The following JAM3 variants were observed in gnomAD, a reference collection of about 807,000 sequenced individuals.
The protein encoded by JAM3 is junctional adhesion molecule 3.
A neutral mutation model predicts 39.4 loss-of-function variants in JAM3; 31 were observed. The ratio of observed to expected loss-of-function variants is 0.79; its 90% CI spans 0.59 to 1.06. The LOEUF (loss-of-function observed/expected upper bound fraction) is 1.06. JAM3 is among the 50% of genes least tolerant of loss of function. The pLI, the probability that JAM3 is intolerant of heterozygous loss-of-function variation, is 0.00. For synonymous variants in JAM3, 182 were observed against 148.7 expected, an observed-to-expected ratio of 1.22 and a Z score of -1.63; for missense variants, 455 against 391.4, an observed-to-expected ratio of 1.16 and a Z score of -1.37.
chr11:134,148,363 T>G (rs1943117669), intron 6 of JAM3, 184 bp from the exon 7 acceptor site: 3 of 662,302 alleles, frequency 4.5e-6, no homozygotes, highest in Non-Finnish European at 5.3e-6. Flanking sequence ...AAGTTAGGAG[T>G]TATGGTGTCC....
chr11:134,137,695 A>G (rs1413708335), intron 1 of JAM3, among the ~76,000 whole-genome samples: 1 of 149,820 alleles, frequency 6.7e-6, no homozygotes, highest in East Asian at 2.0e-4. Context: ...ATACTGAGAG[A>G]AATGTTTATG....
intron 1 of JAM3, among the ~76,000 whole-genome samples, chr11:134,137,522 T>G (rs1942888979): frequency 6.6e-6 from 1 of 152,260 alleles, no homozygotes. Context: ...GACTCACCTC[T>G]CAGGTCCTTG....
chr11:134,121,903 G>A (rs1942540786), intron 1 of JAM3, among the ~76,000 whole-genome samples: 1 of 151,950 alleles, frequency 6.6e-6, no homozygotes, highest in Non-Finnish European at 1.5e-5. Context: ...GGTTTGTCAT[G>A]GTATTGATCA....
chr11:134,070,175 C>T (rs1425930851), intron 1 of JAM3: 2 of 456,156 alleles, frequency 4.4e-6, no homozygotes, highest in African/African-American at 4.0e-5. Flanking sequence ...TTTTCAGAGT[C>T]AAGTCTAGTC....
intron 1 of JAM3, among the ~76,000 whole-genome samples, chr11:134,130,776 A>G (rs530140514): frequency 1.3e-5 from 2 of 152,334 alleles, no homozygotes; most frequent in Admixed American, 6.5e-5. Flanking sequence ...GGAACAGAGC[A>G]GACATTATTT....
chr11:134,138,873 A>G (rs1294969739), intron 1 of JAM3, among the ~76,000 whole-genome samples: 3 of 152,206 alleles, frequency 2.0e-5, no homozygotes, highest in Non-Finnish European at 4.4e-5. Flanking sequence ...TGGGCCATTA[A>G]AGAAGATAAA....
chr11:134,146,140 C>T (rs562940931), intron 6 of JAM3, 95 bp downstream of exon 6: 29 of 882,340 alleles, frequency 3.3e-5, no homozygotes, highest in East Asian at 1.6e-4. Context: ...AGAACTCTTC[C>T]GCCATGGGTT....
chr11:134,140,610 A>C, intron 2 of JAM3, 47 bp from the exon 3 acceptor site: 1 of 1,488,802 alleles, frequency 6.7e-7, no homozygotes, highest in Non-Finnish European at 9.4e-7. Flanking sequence ...CTGAACGTAG[A>C]AGCACTCCAC....
At chr11:134,105,168 C>T (rs1484010720) in intron 1 of JAM3, among the ~76,000 whole-genome samples, 1 of 152,206 alleles carries the variant, frequency 6.6e-6, no homozygotes, top group Non-Finnish European at 1.5e-5. Flanking sequence ...ATCAAGTGGG[C>T]TTCATCCCTG....
intron 1 of JAM3, among the ~76,000 whole-genome samples, chr11:134,128,493 G>T: frequency 6.6e-6 from 1 of 152,196 alleles, no homozygotes; most frequent in East Asian, 1.9e-4. Context: ...TAATCTCCAT[G>T]TGTCAAGGAG....
chr11:134,120,861 G>C lies in JAM3; in HGVS notation c.77-18990G>C, dbSNP rs577764541. ...TAACATTACCTCAATATCTGTTATG[G>C]CTTAAATGTATTGTTTTAATAATAT... On this transcript the variant is annotated intron_variant, in intron 1 of 8. Coordinates refer to ENST00000299106, the MANE Select transcript of JAM3 (RefSeq NM_032801.5). 1.8e-4 allele frequency among the ~76,000 whole-genome samples: 27 copies of C among 152,330 alleles called. No individual in the cohort carries two copies. In the South Asian group the frequency reaches 3.7e-3, roughly 21 times the overall value.
intron 1 of JAM3, among the ~76,000 whole-genome samples, chr11:134,133,428 G>A (rs1172800538): frequency 1.3e-5 from 2 of 152,042 alleles, no homozygotes; most frequent in African/African-American, 4.8e-5. Context: ...TCAGCTATAG[G>A]TTTTTCATAT....
At position 134,105,854 on chromosome 11, in the gene JAM3, C is replaced by T. The variant is rs551330940; in HGVS notation, c.77-33997C>T. On this transcript the variant is annotated intron_variant, in intron 1 of 8. Transcript: ENST00000299106. ...CTGCTCAACGAAATAAAAGAGGACA[C>T]AAACAAATGGAAGAACATTCCATGC... Among the ~76,000 whole-genome samples, 33 of 152,256 alleles carry T rather than the reference C, an allele frequency of 2.2e-4. No homozygotes were observed. The East Asian group carries it at 6.2e-3, about 28-fold the overall frequency.
rs768171224 is a variant in JAM3, at chr11:134,139,890, G to A, written c.116G>A (p.Arg39Gln). ...GCTGTAAATCTCAAATCCAGCAATC[G>A]AACCCCAGTGGTACAGGAATTTGAA... ...IGAVNLKSSN[R>Q]TPVVQEFESV... The change falls in exon 2 of 9, where the codon CGA becomes CAA. Residue 39 changes from arginine (R) to glutamine (Q), a missense_variant. Coordinates refer to ENST00000299106, the MANE Select transcript of JAM3 (RefSeq NM_032801.5). The A allele has an allele frequency of 8.7e-6, 14 of 1,613,858 alleles. No individual in the cohort carries two copies. The highest frequency in any genetic ancestry group is 1.2e-5 in the Non-Finnish European group (14 of 1,179,838).
intron 1 of JAM3, among the ~76,000 whole-genome samples, chr11:134,091,027 GAT>G: frequency 6.6e-6 from 1 of 152,278 alleles, no homozygotes; most frequent in East Asian, 1.9e-4. Flanking sequence ...GGCTGGCTAA[GAT>G]TCCTACAGGG....
chr11:134,096,126 G>T (rs896676541), intron 1 of JAM3, among the ~76,000 whole-genome samples: 2 of 152,046 alleles, frequency 1.3e-5, no homozygotes, highest in Non-Finnish European at 2.9e-5. Context: ...ACAGGTGCGC[G>T]CCACTACACC....
At chr11:134,114,917 T>C (rs1430128303) in intron 1 of JAM3, among the ~76,000 whole-genome samples, 1 of 152,232 alleles carries the variant, frequency 6.6e-6, no homozygotes, top group African/African-American at 2.4e-5. Flanking sequence ...TGTCCACTTG[T>C]TCTGCTATTG....
chr11:134,123,461 C>T (rs1942576656), intron 1 of JAM3, among the ~76,000 whole-genome samples: 1 of 152,084 alleles, frequency 6.6e-6, no homozygotes, highest in Non-Finnish European at 1.5e-5. Context: ...GCTCCCCAGA[C>T]AGATGGTTCT....
At chr11:134,139,764 C>T (rs370021555) in intron 1 of JAM3, 87 bp from the exon 2 acceptor site, 54 of 996,414 alleles carry the variant, frequency 5.4e-5, no homozygotes, top group East Asian at 3.6e-4. Context: ...CCATAGCCTA[C>T]GCAGACGGGA....
Sources: gnomAD v4.1 joint callset for allele counts (sites outside exome capture counted in the v4.1 genomes callset) on GRCh38, gnomAD v4.1.1 for gene constraint, MANE v1.5 for transcripts, NCBI Gene and HGNC (gene_info 2026-07-23, HGNC 2026-07-21) for gene names.